PKN2: variants seen among roughly 807,000 people sequenced by gnomAD.
The protein encoded by PKN2 is serine/threonine-protein kinase N2.
PKN2 carries 38 observed loss-of-function variants against 119.1 expected under a neutral mutation model. That is an observed-to-expected ratio of 0.32 (90% CI 0.25 to 0.42). PKN2 has a LOEUF of 0.42. Among genes scored for constraint, PKN2 ranks in the 10% least tolerant of loss-of-function variants. The pLI is 1.00. For synonymous variants in PKN2, 390 were observed against 384.9 expected (o/e 1.01, Z -0.15); for missense variants, 850 against 1,165.1 (o/e 0.73, Z 3.94).
At chr1:88,699,253 C>G (rs1358250713) in intron 1 of PKN2, among the ~76,000 whole-genome samples, 2 of 152,026 alleles carry the variant, frequency 1.3e-5, no homozygotes, top group African/African-American at 4.8e-5. Flanking sequence ...TGGGAGATTG[C>G]CTTTATTTTT....
Position 88,786,359 on chromosome 1 carries a change from G to A in PKN2, c.1281+146G>A, listed in dbSNP as rs547462773. On this transcript the variant is annotated intron_variant, in intron 8 of 21. Transcript: ENST00000370521. ...TTTTTTTACATTTCTTATTCAATGA[G>A]TTATGCATAAATCTACCTTAATATA... is the stretch of plus-strand genomic sequence containing the variant. 7 of 540,952 alleles carry A rather than the reference G, an allele frequency of 1.3e-5. No homozygotes were observed. The East Asian group carries it at 1.8e-4, about 14-fold the overall frequency. The allele number at this position is 540,952 out of a possible 1,614,324, so 33.5% of individuals were successfully genotyped here. A position where few individuals can be genotyped will look rare whatever the true frequency, so the allele number is the denominator to read the frequency against.
intron 8 of PKN2, among the ~76,000 whole-genome samples, chr1:88,797,646 AAAAAAAG>A (rs1671141282): frequency 6.6e-6 from 1 of 151,718 alleles, no homozygotes; most frequent in Non-Finnish European, 1.5e-5. Flanking sequence ...CAAAAAAAAA[AAAAAAAG>A]AGAGAGAATG....
intron 1 of PKN2, among the ~76,000 whole-genome samples, chr1:88,732,471 CCTTT>C (rs1167731324): frequency 6.6e-6 from 1 of 152,082 alleles, no homozygotes; most frequent in African/African-American, 2.4e-5. Flanking sequence ...ATAAGGGAAA[CCTTT>C]CTTTATTCGC....
At chr1:88,729,685 T>C (rs1431506302) in intron 1 of PKN2, among the ~76,000 whole-genome samples, 1 of 152,182 alleles carries the variant, frequency 6.6e-6, no homozygotes, top group Admixed American at 6.5e-5. Flanking sequence ...CAGTAGAATG[T>C]CACTTTAGTC....
At chr1:88,787,062 A>G (rs1259965597) in intron 8 of PKN2, among the ~76,000 whole-genome samples, 2 of 151,810 alleles carry the variant, frequency 1.3e-5, no homozygotes, top group African/African-American at 4.8e-5. Flanking sequence ...GGAGGTAGGA[A>G]TGTAATACTC....
intron 2 of PKN2, among the ~76,000 whole-genome samples, chr1:88,754,476 G>C (rs1384310457): frequency 6.6e-6 from 1 of 152,168 alleles, no homozygotes; most frequent in Non-Finnish European, 1.5e-5. Context: ...TTGAAGACAT[G>C]TTAGACTAGA....
At chr1:88,764,137 C>A (rs1156450947) in intron 3 of PKN2, among the ~76,000 whole-genome samples, 1 of 152,148 alleles carries the variant, frequency 6.6e-6, no homozygotes, top group African/African-American at 2.4e-5. Flanking sequence ...AGCTTCTGAT[C>A]TCATCTTCTA....
At position 88,807,402 on chromosome 1, in the gene PKN2, A is replaced by G. The variant is rs1394998665; in HGVS notation, c.1893A>G (p.Ser631=). ...AATACAAGCCTGATACTCCTCAGTCAGGCCTAGAATATAGTGGTATTCAAG... is the reference window on the plus strand; with the variant it reads ...AATACAAGCCTGATACTCCTCAGTCGGGCCTAGAATATAGTGGTATTCAAG... ...QSEYKPDTPQ[S]GLEYSGIQEL... Residue 631 remains serine, a synonymous_variant, in exon 13 of 22, where the codon TCA becomes TCG. Coordinates refer to ENST00000370521, the MANE Select transcript of PKN2 (RefSeq NM_006256.4). 2 of 1,610,480 alleles carry G rather than the reference A, an allele frequency of 1.2e-6. No individual in the cohort carries two copies. The highest frequency in any genetic ancestry group is 1.1e-5 in the South Asian group (1 of 90,440).
chr1:88,817,140 A>G (rs1672026896), intron 16 of PKN2, among the ~76,000 whole-genome samples: 1 of 152,184 alleles, frequency 6.6e-6, no homozygotes, highest in Non-Finnish European at 1.5e-5. Context: ...CATCGATGCA[A>G]AAATCTTCAG....
At chr1:88,796,609 A>G (rs1557617606) in intron 8 of PKN2, among the ~76,000 whole-genome samples, 1 of 152,168 alleles carries the variant, frequency 6.6e-6, no homozygotes, top group East Asian at 1.9e-4. Flanking sequence ...ATCTTTAGAT[A>G]TAGCTCTCAA....
At chr1:88,802,398 T>C (rs542427206) in intron 8 of PKN2, among the ~76,000 whole-genome samples, 1 of 152,184 alleles carries the variant, frequency 6.6e-6, no homozygotes, top group South Asian at 2.1e-4. Context: ...TGATCTTGGC[T>C]CACTGCAACC....
chr1:88,727,998 A>G (rs1157141893), intron 1 of PKN2, among the ~76,000 whole-genome samples: 2 of 144,606 alleles, frequency 1.4e-5, no homozygotes, highest in African/African-American at 5.1e-5. Context: ...GGCTAAAGAG[A>G]GCAGGTTTTT....
chr1:88,713,694 A>G (rs1302202731), intron 1 of PKN2, among the ~76,000 whole-genome samples: 9 of 152,114 alleles, frequency 5.9e-5, no homozygotes, highest in East Asian at 1.9e-4. Flanking sequence ...TGTCGGATGA[A>G]TAGATTGCAA....
At chr1:88,769,541 A>G (rs1330433931) in intron 3 of PKN2, among the ~76,000 whole-genome samples, 1 of 152,224 alleles carries the variant, frequency 6.6e-6, no homozygotes, top group African/African-American at 2.4e-5. Flanking sequence ...AAAGATAGTA[A>G]TAAGATTCAA....
chr1:88,748,308 T>C (rs1668852067), intron 2 of PKN2, among the ~76,000 whole-genome samples: 1 of 152,192 alleles, frequency 6.6e-6, no homozygotes, highest in African/African-American at 2.4e-5. Context: ...GTCACTATAG[T>C]TCTCTTTTGA....
intron 3 of PKN2, among the ~76,000 whole-genome samples, chr1:88,768,858 G>A (rs1669770709): frequency 6.6e-6 from 1 of 152,218 alleles, no homozygotes; most frequent in Admixed American, 6.5e-5. Flanking sequence ...AAGAAGGATG[G>A]TGCTGGCATG....
intron 3 of PKN2, among the ~76,000 whole-genome samples, chr1:88,761,461 G>A (rs1352215016): frequency 6.6e-6 from 1 of 150,676 alleles, no homozygotes; most frequent in Non-Finnish European, 1.5e-5. Context: ...TCTTAATCAT[G>A]CATCCTAACT....
intron 4 of PKN2, among the ~76,000 whole-genome samples, chr1:88,770,841 C>T (rs56331458): frequency 0.07 from 10,454 of 150,120 alleles, 781 homozygotes; most frequent in African/African-American, 0.19. Context: ...CGCCTCGGCC[C>T]CCCAAAGTGC....
At chr1:88,811,072 A>G (rs1284582485) in intron 15 of PKN2, among the ~76,000 whole-genome samples, 2 of 152,240 alleles carry the variant, frequency 1.3e-5, no homozygotes, top group Non-Finnish European at 2.9e-5. Context: ...AAAGTGTTAG[A>G]TAATTTATGA....
Sources: allele counts gnomAD v4.1 joint callset (sites outside exome capture counted in the v4.1 genomes callset), GRCh38; gene constraint gnomAD v4.1.1; transcripts MANE v1.5; gene names NCBI Gene and HGNC (gene_info 2026-07-23, HGNC 2026-07-21).